Variants in ZMAT4 observed in about 807,000 individuals in gnomAD.
ZMAT4 encodes zinc finger matrin-type protein 4.
In ZMAT4, 17 loss-of-function variants were observed where a neutral mutation model predicts 28.7. The ratio of observed to expected loss-of-function variants is 0.59; its 90% confidence interval spans 0.41 to 0.89. The LOEUF (loss-of-function observed/expected upper bound fraction) is 0.89. Ranked by LOEUF, ZMAT4 falls within the 40% of genes least tolerant of loss-of-function variation. The probability of loss-of-function intolerance (pLI) is 0.00; values close to 1 mark genes in which losing one functional copy is unlikely to be tolerated. For synonymous variants in ZMAT4, 117 were observed against 109.2 expected (o/e 1.07, Z -0.44); for missense variants, 240 against 283.8 (o/e 0.85, Z 1.11).
chr8:40,882,144 G>A (rs771687448), intron 1 of ZMAT4, among the ~76,000 whole-genome samples: 8 of 152,066 alleles, frequency 5.3e-5, no homozygotes, highest in Non-Finnish European at 8.8e-5. Flanking sequence ...TGGCCGCCTC[G>A]GAGCTCATTC....
rs546147825 is a variant in ZMAT4, at chr8:40,799,924, A to G, written c.102+25651T>C. Among the ~76,000 whole-genome samples, 93 of 152,334 alleles carry G rather than the reference A, an allele frequency of 6.1e-4. 1 individual carries two copies. Among genetic ancestry groups the G allele is most frequent in the African/African-American group, 2.2e-3 (91 of 41,578 alleles). On this transcript the variant is annotated intron_variant, in intron 2 of 6. Coordinates refer to ENST00000297737, the MANE Select transcript of ZMAT4 (RefSeq NM_024645.3). Reference sequence around the variant, plus strand: ...CTGTAGTCCAGGCAATAAAAAGAGTAAAAAATAAGAATAACTAATGTGTTA... The same window carrying G: ...CTGTAGTCCAGGCAATAAAAAGAGTGAAAAATAAGAATAACTAATGTGTTA...
At chr8:40,535,681 A>G (rs1317313096) in intron 6 of ZMAT4, among the ~76,000 whole-genome samples, 1 of 151,804 alleles carries the variant, frequency 6.6e-6, no homozygotes, top group Non-Finnish European at 1.5e-5. Flanking sequence ...AAAAAAAAAA[A>G]ATGACCAGAT....
chr8:40,880,913 CT>C (rs1187707246), intron 1 of ZMAT4, among the ~76,000 whole-genome samples: 6 of 152,172 alleles, frequency 3.9e-5, no homozygotes, highest in Non-Finnish European at 5.9e-5. Flanking sequence ...ACATCACCCC[CT>C]AACTCCTCCT....
At chr8:40,562,477 G>C (rs1803778293) in intron 6 of ZMAT4, among the ~76,000 whole-genome samples, 1 of 7,152 alleles carries the variant, frequency 1.4e-4, no homozygotes, top group South Asian at 0.012. Context: ...TTTAAAAGAG[G>C]GTTCTGCTGT....
rs111255874 is a variant in ZMAT4 at position 40,583,516 on chromosome 8, C to T, written c.578-2255G>A. On this transcript the variant is annotated intron_variant, in intron 5 of 6. Coordinates refer to ENST00000297737, the MANE Select transcript of ZMAT4 (RefSeq NM_024645.3). ...GTGATACCAGAGGAGCTACTTAGCCCGTATTAAGTAATGACAAGTCTGTGA... is the reference window on the plus strand; with the variant it reads ...GTGATACCAGAGGAGCTACTTAGCCTGTATTAAGTAATGACAAGTCTGTGA... Among the ~76,000 whole-genome samples, 440 of 152,060 alleles carry T rather than the reference C, an allele frequency of 2.9e-3. 2 individuals are homozygous for T. Among genetic ancestry groups the T allele is most frequent in the African/African-American group, 1.0e-2 (413 of 41,466 alleles).
At chr8:40,754,811 G>A (rs992159973) in intron 3 of ZMAT4, among the ~76,000 whole-genome samples, 3 of 152,086 alleles carry the variant, frequency 2.0e-5, no homozygotes, top group Admixed American at 6.5e-5. Context: ...CCAGAGGTTC[G>A]AGACCAGCCT....
At chr8:40,826,674 C>T (rs1368311552) in intron 1 of ZMAT4, among the ~76,000 whole-genome samples, 1 of 152,176 alleles carries the variant, frequency 6.6e-6, no homozygotes, top group Non-Finnish European at 1.5e-5. Flanking sequence ...CAAGCTGACT[C>T]TTCTCCATTT....
At chr8:40,696,626 A>G (rs1809898894) in intron 4 of ZMAT4, among the ~76,000 whole-genome samples, 1 of 152,220 alleles carries the variant, frequency 6.6e-6, no homozygotes, top group African/African-American at 2.4e-5. Context: ...ATCGGTTATC[A>G]ATATTTAAGG....
chr8:40,880,138 C>T (rs1318612082), intron 1 of ZMAT4, among the ~76,000 whole-genome samples: 12 of 152,270 alleles, frequency 7.9e-5, no homozygotes, highest in African/African-American at 2.2e-4. Flanking sequence ...AAGGCCAAGA[C>T]GGGTGGATTA....
intron 1 of ZMAT4, among the ~76,000 whole-genome samples, chr8:40,840,126 G>A (rs2150625680): frequency 6.6e-6 from 1 of 152,288 alleles, no homozygotes; most frequent in South Asian, 2.1e-4. Context: ...TTTCAAGGAA[G>A]AAATGCTTGC....
chr8:40,891,579 C>A (rs1036269975), intron 1 of ZMAT4, among the ~76,000 whole-genome samples: 5 of 152,290 alleles, frequency 3.3e-5, no homozygotes, highest in African/African-American at 1.2e-4. Flanking sequence ...GGCTTCTCCA[C>A]GCCTTGTCTC....
Position 40,567,600 on chromosome 8 carries a change from G to A in ZMAT4, c.674+13565C>T, listed in dbSNP as rs1392640919. 5.3e-5 allele frequency among the ~76,000 whole-genome samples: 8 copies of A among 151,772 alleles called. No homozygotes were observed. In the South Asian group the frequency reaches 8.3e-4, roughly 16 times the overall value. On this transcript the variant is annotated intron_variant, in intron 6 of 6. Transcript: ENST00000297737. The stretch of plus-strand genomic sequence containing the variant: ...ACAAAAATTAGCTACTCCAGAGGCT[G>A]AGGCAGGGGAATCACTTGAACCCCC...
chr8:40,762,656 TAAAAATAAAAAAAAC>T (rs1812988398), intron 3 of ZMAT4, among the ~76,000 whole-genome samples: 1 of 151,662 alleles, frequency 6.6e-6, no homozygotes, highest in Non-Finnish European at 1.5e-5. Flanking sequence ...ACCCCATCTC[TAAAAATAAAAAAAAC>T]AAAAATGAAA....
At chr8:40,655,999 G>A (rs55641243) in intron 5 of ZMAT4, among the ~76,000 whole-genome samples, 2,211 of 152,086 alleles carry the variant, frequency 0.015, 55 homozygotes, top group African/African-American at 0.051. Flanking sequence ...AAATGCTATG[G>A]TTAAATTGAA....
intron 2 of ZMAT4, among the ~76,000 whole-genome samples, chr8:40,799,254 T>C (rs192072375): frequency 6.6e-6 from 1 of 151,430 alleles, no homozygotes; most frequent in Non-Finnish European, 1.5e-5. Context: ...TGGAGACAGA[T>C]AGAGAGAGAG....
intron 3 of ZMAT4, among the ~76,000 whole-genome samples, chr8:40,749,766 C>T (rs1310120566): frequency 3.9e-5 from 6 of 152,280 alleles, no homozygotes; most frequent in African/African-American, 7.2e-5. Context: ...GCATCAAAGG[C>T]GGCCACAGGG....
At chr8:40,851,795 A>T (rs1817117157) in intron 1 of ZMAT4, among the ~76,000 whole-genome samples, 1 of 152,206 alleles carries the variant, frequency 6.6e-6, no homozygotes, top group Non-Finnish European at 1.5e-5. Context: ...TGCTAACTAT[A>T]GTCTTCCTAT....
chr8:40,786,235 A>G (rs1464576107), intron 2 of ZMAT4, among the ~76,000 whole-genome samples: 7 of 152,056 alleles, frequency 4.6e-5, no homozygotes, highest in Non-Finnish European at 1.0e-4. Context: ...TTCTAATCTT[A>G]CTCCTCTCTG....
At chr8:40,542,087 G>A (rs895434080) in intron 6 of ZMAT4, among the ~76,000 whole-genome samples, 8 of 152,162 alleles carry the variant, frequency 5.3e-5, no homozygotes, top group Admixed American at 1.3e-4. Context: ...TGGAGAGGCC[G>A]GAGGGGAGGG....
Sources: gnomAD v4.1 joint callset for allele counts (sites outside exome capture counted in the v4.1 genomes callset) on GRCh38, gnomAD v4.1.1 for gene constraint, MANE v1.5 for transcripts, NCBI Gene and HGNC (gene_info 2026-07-23, HGNC 2026-07-21) for gene names.